Variants in RANBP2 observed in about 807,000 individuals in gnomAD.
The protein encoded by RANBP2 is E3 SUMO-protein ligase RanBP2.
In RANBP2, 57 loss-of-function variants were observed where a neutral mutation model predicts 303.6. The ratio of observed to expected loss-of-function variants is 0.19; its 90% CI spans 0.15 to 0.23. The LOEUF (loss-of-function observed/expected upper bound fraction) is 0.23. Ranked by LOEUF, RANBP2 falls within the 10% of genes least tolerant of loss-of-function variation. The pLI is 1.00. For synonymous variants in RANBP2, 1,167 were observed against 1,301.5 expected, an observed-to-expected ratio of 0.90 and a Z score of 2.23; for missense variants, 3,138 against 3,780.8, an observed-to-expected ratio of 0.83 and a Z score of 4.46.
the RANBP2 span, among the ~76,000 whole-genome samples, chr2:109,077,658 T>C: frequency 4.0e-5 from 6 of 150,558 alleles, no homozygotes; most frequent in East Asian, 7.7e-4. Flanking sequence ...CTTGAATAGA[T>C]AGTTTTCGAA....
the RANBP2 span, among the ~76,000 whole-genome samples, chr2:109,601,835 G>A: frequency 6.6e-6 from 1 of 151,148 alleles, no homozygotes; most frequent in African/African-American, 2.4e-5. Context: ...TACTCTACAA[G>A]TTACTTTCTA....
the RANBP2 span, among the ~76,000 whole-genome samples, chr2:109,218,932 C>T: frequency 0.13 from 19,334 of 152,216 alleles, 1,494 homozygotes; most frequent in Middle Eastern, 0.19. Flanking sequence ...CTTCCCTGCA[C>T]GGACCAGGCT....
chr2:109,332,288 A>C, the RANBP2 span, among the ~76,000 whole-genome samples: 9 of 151,748 alleles, frequency 5.9e-5, no homozygotes, highest in Non-Finnish European at 1.3e-4. Flanking sequence ...TGGCACGCCA[A>C]CTCTCTCCTG....
the RANBP2 span, chr2:108,930,990 G>A: frequency 8.1e-6 from 13 of 1,613,894 alleles, no homozygotes; most frequent in Non-Finnish European, 1.1e-5. Context: ...CAGGGCGTCT[G>A]CGTGCAGTCC....
chr2:109,350,666 C>T, the RANBP2 span, among the ~76,000 whole-genome samples: 9 of 152,214 alleles, frequency 5.9e-5, no homozygotes, highest in Admixed American at 3.9e-4. Flanking sequence ...TTTTCCCCCA[C>T]GGTGGGTCCG....
the RANBP2 span, among the ~76,000 whole-genome samples, chr2:108,822,356 A>G: frequency 2.0e-5 from 3 of 152,348 alleles, no homozygotes; most frequent in South Asian, 2.1e-4. Flanking sequence ...TACTACTAGG[A>G]AACTTCAATA....
the RANBP2 span, among the ~76,000 whole-genome samples, chr2:108,806,575 C>G: frequency 6.6e-6 from 1 of 152,110 alleles, no homozygotes; most frequent in Non-Finnish European, 1.5e-5. Flanking sequence ...TGTGGTCTCT[C>G]TTTCAGTGAC....
At chr2:109,545,900 G>T in the RANBP2 span, 1 of 1,444,002 alleles carries the variant, frequency 6.9e-7, no homozygotes, top group East Asian at 2.3e-5. Flanking sequence ...GAACAAGAGG[G>T]ACAAGGTCTC....
chr2:109,078,123 G>GTATATATATA, the RANBP2 span, among the ~76,000 whole-genome samples: 10 of 45,436 alleles, frequency 2.2e-4, no homozygotes, highest in East Asian at 9.2e-4. Flanking sequence ...TATATAGCGT[G>GTATATATATA]TATATATATA....
the RANBP2 span, chr2:108,816,011 G>A: frequency 2.5e-6 from 4 of 1,613,784 alleles, no homozygotes; most frequent in Admixed American, 1.7e-5. Flanking sequence ...CATCATCTTA[G>A]CAAAGTGAAA....
chr2:108,947,736 G>A, the RANBP2 span, among the ~76,000 whole-genome samples: 5 of 152,060 alleles, frequency 3.3e-5, no homozygotes, highest in Admixed American at 2.0e-4. Context: ...GGCTGCACAG[G>A]GCCCATGAAA....
At chr2:108,963,473 G>T in the RANBP2 span, among the ~76,000 whole-genome samples, 1 of 152,166 alleles carries the variant, frequency 6.6e-6, no homozygotes, top group East Asian at 1.9e-4. Flanking sequence ...GCACTTGTAA[G>T]AGATAATACA....
the RANBP2 span, chr2:109,567,977 C>T: frequency 1.3e-6 from 2 of 1,576,852 alleles, no homozygotes; most frequent in South Asian, 2.3e-5. Flanking sequence ...TAATGTTTAC[C>T]TATTAAGAAT....
At chr2:109,167,004 C>A in the RANBP2 span, among the ~76,000 whole-genome samples, 1 of 152,290 alleles carries the variant, frequency 6.6e-6, no homozygotes, top group South Asian at 2.1e-4. Flanking sequence ...GTAGCTTGAG[C>A]AATGCTAAAA....
At chr2:109,171,720 C>G in the RANBP2 span, among the ~76,000 whole-genome samples, 39,803 of 152,264 alleles carry the variant, frequency 0.26, 5,542 homozygotes, top group East Asian at 0.42. Context: ...GAGGCCCAGC[C>G]CCTGCGCCTG....
At chr2:109,299,580 A>G in the RANBP2 span, among the ~76,000 whole-genome samples, 8 of 152,254 alleles carry the variant, frequency 5.3e-5, no homozygotes, top group East Asian at 1.5e-3. Flanking sequence ...ATGGGGTGAC[A>G]TTTCCTTCCA....
chr2:109,206,370 A>G, the RANBP2 span, among the ~76,000 whole-genome samples: 1 of 151,570 alleles, frequency 6.6e-6, no homozygotes, highest in African/African-American at 2.4e-5. Context: ...GGGCACCTGT[A>G]GTCCCAGCTA....
At chr2:109,058,083 G>A in the RANBP2 span, among the ~76,000 whole-genome samples, 1 of 152,322 alleles carries the variant, frequency 6.6e-6, no homozygotes, top group East Asian at 1.9e-4. Context: ...GCTCACCTGT[G>A]TGCTGGCAGT....
At chr2:109,530,292 G>A in the RANBP2 span, among the ~76,000 whole-genome samples, 229 of 152,242 alleles carry the variant, frequency 1.5e-3, no homozygotes, top group Middle Eastern at 0.017. Context: ...AGGCAGTCAC[G>A]GCGACGTTTG....
Sources: allele counts gnomAD v4.1 joint callset (sites outside exome capture counted in the v4.1 genomes callset), GRCh38; gene constraint gnomAD v4.1.1; transcripts MANE v1.5; gene names NCBI Gene and HGNC (gene_info 2026-07-23, HGNC 2026-07-21).